LTN1: variants seen among roughly 807,000 people sequenced by gnomAD.
LTN1 encodes the protein E3 ubiquitin-protein ligase listerin.
A neutral mutation model predicts 201.2 loss-of-function variants in LTN1; 88 were observed. That is an observed-to-expected ratio of 0.44 (90% confidence interval 0.37 to 0.52). The LOEUF is 0.52. Ranked by LOEUF, LTN1 falls within the 20% of genes least tolerant of loss-of-function variation. LTN1 has a pLI of 0.00. For missense variants in LTN1, 1,752 were observed against 2,038.7 expected (o/e 0.86, Z 2.71); for synonymous variants, 645 against 713.5 (o/e 0.90, Z 1.53).
At chr21:28,976,696 T>C (rs2084617862) in intron 6 of LTN1, among the ~76,000 whole-genome samples, 1 of 152,122 alleles carries the variant, frequency 6.6e-6, no homozygotes, top group African/African-American at 2.4e-5. Context: ...GGTCTATAAA[T>C]TGAGTACAAC....
chr21:28,986,146 A>G lies in LTN1; in HGVS notation c.338T>C (p.Ile113Thr). The G allele has an allele frequency of 6.2e-7, 1 of 1,604,172 alleles. No individual in the cohort carries two copies. The highest frequency in any genetic ancestry group is 8.5e-7 in the Non-Finnish European group (1 of 1,171,144). ...LPYWPRIFCKISLDHDRRVRE... is the reference protein window; with the variant it reads ...LPYWPRIFCKTSLDHDRRVRE... ...CAAAGTTTTAATACTTACAAGTGAA[A>G]TTTTGCAAAAAATTCTTGGCCAATA... The change falls in exon 3 of 30, where the codon ATT becomes ACT. Residue 113 changes from isoleucine to threonine, a missense_variant. By Grantham distance (89) the Ile-to-Thr change is moderately conservative. Coordinates refer to ENST00000361371, the MANE Select transcript of LTN1 (RefSeq NM_015565.3). The surrounding 1 kb of genome is among the most constrained non-coding windows in gnomAD (Gnocchi z 4.1).
At chr21:28,961,259 T>C (rs2084476648) in intron 11 of LTN1, 1 of 152,428 alleles carries the variant, frequency 6.6e-6, no homozygotes. Flanking sequence ...CTATAAATTT[T>C]TGTTCATTAA....
At chr21:28,992,017 C>T (rs1350912730) in intron 1 of LTN1, among the ~76,000 whole-genome samples, 2 of 152,174 alleles carry the variant, frequency 1.3e-5, no homozygotes, top group Non-Finnish European at 2.9e-5. Flanking sequence ...AAAACATTTG[C>T]TTTCAAAATA....
Position 28,981,155 on chromosome 21 carries a change from A to T in LTN1, c.774T>A (p.Asn258Lys), listed in dbSNP as rs2084655579. The stretch of plus-strand genomic sequence containing the variant: ...TGTGTTTTCCATACTTCCAAAACTT[A>T]TTCTGTGATAAAAGAGACTTAAATT... ...EEKFKSLLSQ[N>K]KFWKYGKHSV... The change falls in exon 6 of 30, where the codon AAT becomes AAA. Residue 258 changes from asparagine (N) to lysine (K), a missense_variant. Around this residue, in one of 3 missense-constraint regions of LTN1, gnomAD observed 280 missense variants for 375.7 expected, o/e 0.75. Coordinates refer to ENST00000361371, the MANE Select transcript of LTN1 (RefSeq NM_015565.3). 1.3e-6 allele frequency: 2 copies of T among 1,585,452 alleles called. No homozygotes were observed. Among genetic ancestry groups the T allele is most frequent in the Admixed American group, 2.0e-5 (1 of 51,030 alleles).
At chr21:28,962,865 GA>G (rs2084490683) in intron 11 of LTN1, among the ~76,000 whole-genome samples, 1 of 152,194 alleles carries the variant, frequency 6.6e-6, no homozygotes, top group Non-Finnish European at 1.5e-5. Flanking sequence ...AACAGAAAGT[GA>G]CATAGACTTA....
chr21:28,934,143 C>G (rs1239535989), intron 27 of LTN1, among the ~76,000 whole-genome samples: 1 of 152,096 alleles, frequency 6.6e-6, no homozygotes, highest in Non-Finnish European at 1.5e-5. Context: ...CTTTCCAATG[C>G]AAAAATAATT....
At chr21:28,958,602 T>C (rs2084446928) in intron 13 of LTN1, 63 bp from the exon 14 acceptor site, 1 of 1,231,394 alleles carries the variant, frequency 8.1e-7, no homozygotes, top group Non-Finnish European at 1.1e-6. Context: ...CAGCACAAAA[T>C]GTTTGAAACA....
chr21:28,989,467 TA>T (rs904037917), intron 1 of LTN1, among the ~76,000 whole-genome samples: 17 of 151,946 alleles, frequency 1.1e-4, no homozygotes, highest in East Asian at 3.8e-4. Flanking sequence ...TTATGGCACT[TA>T]TTTTTTTTTT....
intron 4 of LTN1, 131 bp downstream of exon 4, chr21:28,984,561 A>C: frequency 3.5e-6 from 2 of 568,466 alleles, no homozygotes; most frequent in Non-Finnish European, 6.0e-6. Flanking sequence ...AATTTTAAAA[A>C]GGCAACCTTC....
At chr21:28,933,987 T>G (rs2084233967) in intron 27 of LTN1, among the ~76,000 whole-genome samples, 1 of 152,184 alleles carries the variant, frequency 6.6e-6, no homozygotes, top group Non-Finnish European at 1.5e-5. Flanking sequence ...ATTTTCTTTA[T>G]AGTAAATGCC....
chr21:28,964,989 CTA>C (rs1414486725), intron 11 of LTN1, among the ~76,000 whole-genome samples: 4 of 151,724 alleles, frequency 2.6e-5, no homozygotes, highest in Admixed American at 2.6e-4. Context: ...AAAAATAAAA[CTA>C]TGGGGAAAAT....
At position 28,969,581 on chromosome 21, in the gene LTN1, T is replaced by G. The variant is rs746793651; in HGVS notation, c.1196A>C (p.Lys399Thr). 120 of 1,605,280 alleles carry G rather than the reference T, an allele frequency of 7.5e-5. No homozygotes were observed. Among genetic ancestry groups the G allele is most frequent in the Non-Finnish European group, 1.0e-4 (119 of 1,176,878 alleles). Reference protein sequence around the residue: ...LVAGLSTERTKTSSLESSAVI... With the variant: ...LVAGLSTERTTTSSLESSAVI... Reference sequence around the variant, plus strand: ...TGCCGAGGACTCTAAAGAGCTGGTTTTAGTTCTCTCTGTTGACAGCCTAAG... The same window carrying G: ...TGCCGAGGACTCTAAAGAGCTGGTTGTAGTTCTCTCTGTTGACAGCCTAAG... Residue 399 changes from lysine (K) to threonine (T), a missense_variant, in exon 9 of 30, where the codon AAA (lysine) becomes ACA (threonine). This residue lies in a region of LTN1 where 1,211 missense variants were observed against 1,312.8 expected (regional missense o/e 0.92). Coordinates refer to ENST00000361371, the MANE Select transcript of LTN1 (RefSeq NM_015565.3).
At chr21:28,934,656 C>T (rs569952907) in intron 27 of LTN1, among the ~76,000 whole-genome samples, 3 of 152,202 alleles carry the variant, frequency 2.0e-5, no homozygotes, top group Admixed American at 2.0e-4. Context: ...GGGGTTTCAC[C>T]ATGTTGCCCA....
chr21:28,991,061 C>A (rs868761652), intron 1 of LTN1, among the ~76,000 whole-genome samples: 1 of 151,630 alleles, frequency 6.6e-6, no homozygotes, highest in Non-Finnish European at 1.5e-5. Flanking sequence ...CACTTGAACC[C>A]GAGAGGCGGA....
At position 28,966,719 on chromosome 21, in the gene LTN1, T is replaced by G. The variant is rs2084527432; in HGVS notation, c.1772A>C (p.Glu591Ala). ...LLSPLRKKPL[E>A]DLVCKLADIS... is the part of the protein sequence containing the mutation. ...ATCTGCGAGTTTACAGACTAAGTCT[T>G]CCAAAGGTTTTTTCCTTAGAGGAGA... The change falls in exon 10 of 30, where the codon GAA becomes GCA. Residue 591 changes from glutamate to alanine, a missense_variant. Physicochemically the swap from Glu to Ala is moderately radical, Grantham distance 107. Around this residue, in one of 3 missense-constraint regions of LTN1, gnomAD observed 1,211 missense variants for 1,312.8 expected, o/e 0.92. Transcript: ENST00000361371. 10 of 1,614,074 alleles carry G rather than the reference T, an allele frequency of 6.2e-6. No individual in the cohort carries two copies. Among genetic ancestry groups the G allele is most frequent in the Non-Finnish European group, 7.6e-6 (9 of 1,179,986 alleles).
chr21:28,944,961 C>T (rs1457776031), intron 21 of LTN1, among the ~76,000 whole-genome samples: 1 of 152,070 alleles, frequency 6.6e-6, no homozygotes, highest in Non-Finnish European at 1.5e-5. Context: ...GTGGCTCATG[C>T]CTGTAATCCC....
At chr21:28,959,831 A>G in intron 12 of LTN1, 134 bp from the exon 13 acceptor site, 1 of 741,110 alleles carries the variant, frequency 1.3e-6, no homozygotes, top group South Asian at 2.0e-5. Flanking sequence ...TTATCAACAA[A>G]TCAACACATT....
chr21:28,952,182 G>T lies in LTN1; in HGVS notation c.3322C>A (p.Pro1108Thr). 1 of 1,603,138 alleles carries T rather than the reference G, an allele frequency of 6.2e-7. No homozygotes were observed. The change falls in exon 18 of 30, where the codon CCA (proline) becomes ACA (threonine). Residue 1108 changes from proline (P) to threonine (T), a missense_variant. This residue lies in a region of LTN1 where 1,211 missense variants were observed against 1,312.8 expected (regional missense o/e 0.92). Coordinates refer to ENST00000361371, the MANE Select transcript of LTN1 (RefSeq NM_015565.3). ...SRSISSDEVK[P>T]HYKRKESFFP... The stretch of plus-strand genomic sequence containing the variant: ...TACCTTTCTTTTCTCTTATAATGTG[G>T]TTTTACTTCATCAGATGAAATGCTT...
intron 8 of LTN1, 27 bp from the exon 9 acceptor site, chr21:28,969,628 C>G (rs753816614): frequency 1.3e-6 from 2 of 1,540,072 alleles, no homozygotes; most frequent in Non-Finnish European, 1.7e-6. Context: ...AACTGGATTA[C>G]TCTTTCATGA....
Sources: gnomAD v4.1 joint callset for allele counts (sites outside exome capture counted in the v4.1 genomes callset) on GRCh38, gnomAD v4.1.1 for gene constraint, gnomAD v4.1.1 regional missense constraint, Gnocchi (gnomAD v3.1) non-coding constraint, MANE v1.5 for transcripts, NCBI Gene and HGNC (gene_info 2026-07-23, HGNC 2026-07-21) for gene names.